Variants in MED12L observed in about 807,000 individuals in gnomAD.
MED12L encodes the protein mediator complex subunit 12L.
Under a neutral mutation model 281.3 loss-of-function variants are expected in MED12L, and 60 were observed. That is an observed-to-expected ratio of 0.21 (90% CI 0.17 to 0.26). The LOEUF (loss-of-function observed/expected upper bound fraction) is 0.26. MED12L is among the 10% of genes least tolerant of loss of function. The pLI is 1.00. For missense variants in MED12L, 2,146 were observed against 2,680.9 expected (o/e 0.80, Z 4.41); for synonymous variants, 974 against 987.2 (o/e 0.99, Z 0.25).
intron 16 of MED12L, among the ~76,000 whole-genome samples, chr3:151,311,144 A>T (rs1747440683): frequency 6.6e-6 from 1 of 152,138 alleles, no homozygotes; most frequent in Non-Finnish European, 1.5e-5. Context: ...TTTCATATAG[A>T]CTGTAAACTG....
intron 25 of MED12L, among the ~76,000 whole-genome samples, chr3:151,368,735 A>T: frequency 1.6e-5 from 1 of 62,102 alleles, no homozygotes; most frequent in Non-Finnish European, 3.0e-5. Context: ...ATTTCATTTC[A>T]TTTCATTTCA....
intron 9 of MED12L, among the ~76,000 whole-genome samples, chr3:151,165,052 C>T (rs991791251): frequency 1.3e-5 from 2 of 151,640 alleles, no homozygotes; most frequent in Admixed American, 1.3e-4. Context: ...GAATAAGATC[C>T]CTGTCTTTTC....
chr3:151,328,462 C>T (rs1378545842), intron 16 of MED12L: 3 of 1,613,970 alleles, frequency 1.9e-6, no homozygotes, highest in Non-Finnish European at 2.5e-6. Context: ...CCAGAGGCCC[C>T]TTTAAGGAAG....
At chr3:151,312,564 T>A (rs1300646997) in intron 16 of MED12L, among the ~76,000 whole-genome samples, 3 of 152,176 alleles carry the variant, frequency 2.0e-5, no homozygotes, top group African/African-American at 7.2e-5. Context: ...CCAGAGAGTT[T>A]CTCTGGTGGT....
chr3:151,408,504 C>T (rs1716589207), intron 39 of MED12L, among the ~76,000 whole-genome samples: 1 of 151,890 alleles, frequency 6.6e-6, no homozygotes, highest in African/African-American at 2.4e-5. Context: ...TGGTAGGAAA[C>T]TAGGATTATT....
chr3:151,416,116 G>T (rs1015702526), intron 42 of MED12L, among the ~76,000 whole-genome samples, 196 bp from the exon 43 acceptor site: 3 of 152,160 alleles, frequency 2.0e-5, no homozygotes, highest in East Asian at 1.9e-4. Context: ...GTCCTAGAAG[G>T]CTTCATGGAT....
At chr3:151,310,506 T>C (rs1241543130) in intron 16 of MED12L, among the ~76,000 whole-genome samples, 7 of 152,160 alleles carry the variant, frequency 4.6e-5, no homozygotes, top group African/African-American at 1.7e-4. Context: ...GGGAGAAAGT[T>C]ATTTCTACTC....
At chr3:151,281,232 CAAAAAAAAAAA>C (rs35035320) in intron 16 of MED12L, among the ~76,000 whole-genome samples, 5 of 49,940 alleles carry the variant, frequency 1.0e-4, no homozygotes, top group Admixed American at 8.4e-4. Context: ...ACCAAAAATA[CAAAAAAAAAAA>C]AAAAAAAAAA....
chr3:151,170,267 TTTTC>T (rs1260639647), intron 11 of MED12L, among the ~76,000 whole-genome samples: 1 of 151,708 alleles, frequency 6.6e-6, no homozygotes, highest in Non-Finnish European at 1.5e-5. Context: ...CTATTTCTTT[TTTTC>T]TTTTTCTTTT....
chr3:151,360,076 C>T (rs1754421745), intron 20 of MED12L, among the ~76,000 whole-genome samples: 1 of 152,126 alleles, frequency 6.6e-6, no homozygotes, highest in African/African-American at 2.4e-5. Context: ...AAGCATTGCT[C>T]CTTTACAAAG....
At chr3:151,139,003 GCCTA>G (rs927486148) in intron 5 of MED12L, among the ~76,000 whole-genome samples, 2 of 99,040 alleles carry the variant, frequency 2.0e-5, no homozygotes, top group Non-Finnish European at 4.2e-5. Context: ...CTACCTACCT[GCCTA>G]CCTACCTACT....
chr3:151,266,355 C>T (rs529672115), intron 16 of MED12L, among the ~76,000 whole-genome samples: 1 of 152,314 alleles, frequency 6.6e-6, no homozygotes, highest in South Asian at 2.1e-4. Context: ...GTCTGGAAAT[C>T]TCAAACAGAA....
intron 2 of MED12L, among the ~76,000 whole-genome samples, chr3:151,089,257 T>C (rs1286682428): frequency 6.6e-6 from 1 of 152,200 alleles, no homozygotes; most frequent in East Asian, 1.9e-4. Context: ...TGCACACACG[T>C]ATATGATTAT....
intron 36 of MED12L, among the ~76,000 whole-genome samples, chr3:151,385,721 G>GGA (rs1491402948): frequency 1.7e-5 from 2 of 118,748 alleles, no homozygotes; most frequent in African/African-American, 5.2e-5. Context: ...TCTGGGGGGG[G>GGA]AAAAAAAAAA....
Position 151,430,306 on chromosome 3 carries a change from G to C in MED12L, c.6416G>C (p.Arg2139Thr). The change falls in exon 44 of 45, where the codon AGG becomes ACG. Residue 2139 changes from arginine to threonine, a missense_variant. Transcript: ENST00000687756. ...CTCCTGTCGCCATTACAGTTTCCCA[G>C]GCAAGGCTTGCAGCAGACCCAGCAG... Reference protein sequence around the residue: ...AMQPQQPLFPRQGLQQTQQQQ... With the variant: ...AMQPQQPLFPTQGLQQTQQQQ... The C allele has an allele frequency of 3.7e-6, 6 of 1,614,054 alleles. No individual in the cohort carries two copies. Among genetic ancestry groups the C allele is most frequent in the Non-Finnish European group, 5.1e-6 (6 of 1,179,962 alleles).
intron 2 of MED12L, among the ~76,000 whole-genome samples, chr3:151,101,318 G>T (rs554006910): frequency 6.6e-6 from 1 of 152,282 alleles, no homozygotes; most frequent in South Asian, 2.1e-4. Flanking sequence ...TGCTTTAGGT[G>T]TTTGGTGTTA....
At chr3:151,140,691 A>ATTTAT (rs1716800981) in intron 5 of MED12L, among the ~76,000 whole-genome samples, 1 of 151,760 alleles carries the variant, frequency 6.6e-6, no homozygotes, top group Admixed American at 6.6e-5. Flanking sequence ...TTTATTATTT[A>ATTTAT]TTTTTTGAGA....
At chr3:151,181,576 CTTTTTTT>C (rs57658133) in intron 11 of MED12L, among the ~76,000 whole-genome samples, 36 of 47,098 alleles carry the variant, frequency 7.6e-4, no homozygotes, top group African/African-American at 2.4e-3. Flanking sequence ...AGCTCATTGT[CTTTTTTT>C]TTTTTTTTTT....
At chr3:151,413,338 C>A (rs748172194) in intron 42 of MED12L, 43 bp downstream of exon 42, 1 of 1,587,710 alleles carries the variant, frequency 6.3e-7, no homozygotes, top group Non-Finnish European at 8.6e-7. Context: ...ACCCTTCAGA[C>A]AGTGCAAATA....
Sources: allele counts gnomAD v4.1 joint callset (sites outside exome capture counted in the v4.1 genomes callset), GRCh38; gene constraint gnomAD v4.1.1; transcripts MANE v1.5; gene names NCBI Gene and HGNC (gene_info 2026-07-23, HGNC 2026-07-21).